The following TFDP1 variants were observed in gnomAD, a reference collection of about 807,000 sequenced individuals.
TFDP1 encodes transcription factor Dp-1.
A neutral mutation model predicts 48.0 loss-of-function variants in TFDP1; 6 were observed. The observed-to-expected ratio is 0.13, with a 90% CI of 0.07 to 0.25. The LOEUF is 0.25. TFDP1 is among the 10% of genes least tolerant of loss of function. TFDP1 has a pLI of 1.00. For missense variants in TFDP1, 335 were observed against 543.0 expected, an observed-to-expected ratio of 0.62 and a Z score of 3.81; for synonymous variants, 201 against 211.6, an observed-to-expected ratio of 0.95 and a Z score of 0.44.
chr13:113,596,551 AT>A (rs1400092866), intron 2 of TFDP1, among the ~76,000 whole-genome samples: 10 of 152,166 alleles, frequency 6.6e-5, no homozygotes, highest in African/African-American at 2.2e-4. Flanking sequence ...GGAGTCACAC[AT>A]TTGACAGCTC....
chr13:113,621,645 G>A (rs939727406), intron 3 of TFDP1, among the ~76,000 whole-genome samples: 3 of 152,252 alleles, frequency 2.0e-5, no homozygotes, highest in Non-Finnish European at 4.4e-5. Context: ...CGAGCCTTCT[G>A]TTATGCCCGG....
At position 113,623,182 on chromosome 13, in the gene TFDP1, G is replaced by A. The variant is rs746948806; in HGVS notation, c.82G>A (p.Val28Met). ...GACCTGGTGTCCTTGTGTTGCAGGC[G>A]TGGTGTCCCTCGTGGCCGTTCACCC... is the stretch of plus-strand genomic sequence containing the variant. The part of the protein sequence containing the change: ...IDQNLSPGKG[V>M]VSLVAVHPST... The change falls in exon 4 of 12, where the codon GTG becomes ATG. Residue 28 changes from valine (V) to methionine (M), a missense_variant and splice_region_variant. Physicochemically the swap from Val to Met is conservative, Grantham distance 21. Around this residue, in one of 3 missense-constraint regions of TFDP1, gnomAD observed 103 missense variants for 140.4 expected, o/e 0.73. Coordinates refer to ENST00000375370, the MANE Select transcript of TFDP1 (RefSeq NM_007111.5). The surrounding 1 kb of genome is among the most constrained non-coding windows in gnomAD (Gnocchi z 5.2). 24 of 1,612,544 alleles carry A rather than the reference G, an allele frequency of 1.5e-5. No homozygotes were observed. Among genetic ancestry groups the A allele is most frequent in the East Asian group, 2.2e-5 (1 of 44,804 alleles).
intron 9 of TFDP1, 56 bp downstream of exon 9, chr13:113,636,184 G>T (rs976456564): frequency 1.6e-4 from 257 of 1,586,242 alleles, no homozygotes; most frequent in Non-Finnish European, 2.0e-4. Context: ...TTAGGGAGCC[G>T]ACCCTGTTGG....
chr13:113,595,829 TC>T (rs1328600322), intron 2 of TFDP1, among the ~76,000 whole-genome samples: 1 of 152,250 alleles, frequency 6.6e-6, no homozygotes, highest in Non-Finnish European at 1.5e-5. Flanking sequence ...ACGCCTGTAA[TC>T]CCAGCACTTT....
chr13:113,601,163 G>T (rs2048415529), intron 2 of TFDP1, among the ~76,000 whole-genome samples: 1 of 152,138 alleles, frequency 6.6e-6, no homozygotes, highest in Admixed American at 6.5e-5. Flanking sequence ...GCTGAGAAGG[G>T]CTGGGCCTGG....
intron 2 of TFDP1, among the ~76,000 whole-genome samples, chr13:113,591,025 A>AAAAAAG (rs2048130113): frequency 2.0e-5 from 3 of 148,646 alleles, no homozygotes; most frequent in Non-Finnish European, 3.0e-5. Flanking sequence ...AAAAAAAAAA[A>AAAAAAG]AAAAAGAAAA....
In TFDP1 at chr13:113,627,368, G is replaced by A. The variant is rs2049208759; in HGVS notation, c.186+4082G>A. ...GCTCAGCCGGCAGGAGCAGCGGCCT[G>A]TGTGAGCCCCTGGGGAGAAGCAGCC... On this transcript the variant is annotated intron_variant, in intron 4 of 11. Coordinates refer to ENST00000375370, the MANE Select transcript of TFDP1 (RefSeq NM_007111.5). This position sits in a 1 kb window ranked among gnomAD's most constrained non-coding sequence, Gnocchi z 4.1. Among the ~76,000 whole-genome samples, 1 of 152,216 alleles carries A rather than the reference G, an allele frequency of 6.6e-6. No individual in the cohort carries two copies. The highest frequency in any genetic ancestry group is 2.4e-5 in the African/African-American group (1 of 41,458).
In TFDP1 at chr13:113,623,253, T is replaced by C. The variant is rs1594498278; in HGVS notation, c.153T>C (p.Phe51=). 1.2e-6 allele frequency: 2 copies of C among 1,613,302 alleles called. No individual in the cohort carries two copies. Among genetic ancestry groups the C allele is most frequent in the South Asian group, 2.2e-5 (2 of 90,826 alleles). The change falls in exon 4 of 12, where the codon TTT becomes TTC. Residue 51 remains phenylalanine, a synonymous_variant. Transcript: ENST00000375370. This position sits in a 1 kb window ranked among gnomAD's most constrained non-coding sequence, Gnocchi z 5.2. ...PLGKQLLPKT[F]GQSNVNIAQQ... is the part of the protein sequence containing the mutation. ...GGAAGCAGCTCTTGCCAAAAACCTT[T>C]GGACAGTCCAATGTCAACATTGCCC...
chr13:113,633,867 A>G lies in TFDP1; in HGVS notation c.475-23A>G, dbSNP rs774473903. 3 of 1,588,778 alleles carry G rather than the reference A, an allele frequency of 1.9e-6. No individual in the cohort carries two copies. Among genetic ancestry groups the G allele is most frequent in the Non-Finnish European group, 2.6e-6 (3 of 1,166,874 alleles). ...ACCGGCCTTTTTGGATCATTTGGAAACTCCACTCCCTGTCATCCCCAGGCT... is the reference window on the plus strand; with the variant it reads ...ACCGGCCTTTTTGGATCATTTGGAAGCTCCACTCCCTGTCATCCCCAGGCT... On this transcript the variant is annotated intron_variant, in intron 6 of 11. Coordinates refer to ENST00000375370, the MANE Select transcript of TFDP1 (RefSeq NM_007111.5). This position sits in a 1 kb window ranked among gnomAD's most constrained non-coding sequence, Gnocchi z 4.5.
At chr13:113,616,345 G>A (rs1340755659) in intron 3 of TFDP1, among the ~76,000 whole-genome samples, 4 of 152,088 alleles carry the variant, frequency 2.6e-5, no homozygotes, top group South Asian at 2.1e-4. Flanking sequence ...TCACGGTTTC[G>A]GTGGCTGCGT....
At chr13:113,593,877 C>G (rs2048213869) in intron 2 of TFDP1, among the ~76,000 whole-genome samples, 1 of 147,114 alleles carries the variant, frequency 6.8e-6, no homozygotes, top group Admixed American at 6.8e-5. Flanking sequence ...TGTGCTGATC[C>G]TCAGCCCTGT....
At chr13:113,610,876 G>A (rs541092843) in intron 2 of TFDP1, 120 bp from the exon 3 acceptor site, 1 of 884,478 alleles carries the variant, frequency 1.1e-6, no homozygotes, top group African/African-American at 1.7e-5. Flanking sequence ...TTGCTTAACT[G>A]TGGTCCTTCT....
chr13:113,628,144 G>A (rs2049234258), intron 4 of TFDP1, among the ~76,000 whole-genome samples: 1 of 152,146 alleles, frequency 6.6e-6, no homozygotes, highest in African/African-American at 2.4e-5. Context: ...TAAAGACTAT[G>A]TCTGGAGCCG....
At chr13:113,613,566 A>G (rs538936054) in intron 3 of TFDP1, among the ~76,000 whole-genome samples, 1 of 141,674 alleles carries the variant, frequency 7.1e-6, no homozygotes, top group African/African-American at 2.7e-5. Context: ...CTGAGTGTGC[A>G]TACGAGTGTG....
At chr13:113,629,984 C>G (rs926101557) in intron 4 of TFDP1, among the ~76,000 whole-genome samples, 1 of 152,228 alleles carries the variant, frequency 6.6e-6, no homozygotes, top group East Asian at 1.9e-4. Flanking sequence ...CCAGCCAGCA[C>G]TGCCTGGCGT....
At chr13:113,628,700 A>G (rs2049255334) in intron 4 of TFDP1, among the ~76,000 whole-genome samples, 1 of 152,150 alleles carries the variant, frequency 6.6e-6, no homozygotes, top group Non-Finnish European at 1.5e-5. Context: ...CACTGCTTCC[A>G]ATACCTCCTT....
At position 113,636,656 on chromosome 13, in the gene TFDP1, T is replaced by C; in HGVS notation, c.962T>C (p.Met321Thr). 1 of 1,614,188 alleles carries C rather than the reference T, an allele frequency of 6.2e-7. No individual in the cohort carries two copies. Among genetic ancestry groups the C allele is most frequent in the Non-Finnish European group, 8.5e-7 (1 of 1,180,028 alleles). ...AGCTGCTCTGCCGAAGACCTTAAAA[T>C]GGCCAGAAGTCTGGTCCCCAAGGCT... ...SGSCSAEDLK[M>T]ARSLVPKALE... The change falls in exon 10 of 12, where the codon ATG (methionine) becomes ACG (threonine). Residue 321 changes from methionine (M) to threonine (T), a missense_variant. By Grantham distance (81) the Met-to-Thr change is moderately conservative (BLOSUM62 -1). Transcript: ENST00000375370.
chr13:113,625,922 G>A (rs561014441), intron 4 of TFDP1, among the ~76,000 whole-genome samples: 7 of 139,538 alleles, frequency 5.0e-5, no homozygotes, highest in Non-Finnish European at 1.1e-4. Flanking sequence ...TGTCTCTCAC[G>A]TGTCCTCAGG....
At chr13:113,591,831 A>G (rs148891959) in intron 2 of TFDP1, among the ~76,000 whole-genome samples, 38 of 152,344 alleles carry the variant, frequency 2.5e-4, no homozygotes, top group African/African-American at 8.9e-4. Flanking sequence ...TGGCTGAATT[A>G]GAGGCTGAAT....
Sources: gnomAD v4.1 joint callset for allele counts (sites outside exome capture counted in the v4.1 genomes callset) on GRCh38, gnomAD v4.1.1 for gene constraint, gnomAD v4.1.1 regional missense constraint, Gnocchi (gnomAD v3.1) non-coding constraint, MANE v1.5 for transcripts, NCBI Gene and HGNC (gene_info 2026-07-23, HGNC 2026-07-21) for gene names.